Variants in PCCA observed in about 807,000 individuals in gnomAD.
The protein encoded by PCCA is propionyl-CoA carboxylase subunit alpha, also known as propionyl-CoA carboxylase alpha chain, mitochondrial.
PCCA carries 74 observed loss-of-function variants against 101.3 expected under a neutral mutation model. That is an observed-to-expected ratio of 0.73 (90% CI 0.61 to 0.89). PCCA has a LOEUF of 0.89. Among genes scored for constraint, PCCA ranks in the 40% least tolerant of loss-of-function variants. The pLI is 0.00. For missense variants in PCCA, 891 were observed against 907.0 expected, an observed-to-expected ratio of 0.98 and a Z score of 0.23; for synonymous variants, 294 against 313.6, an observed-to-expected ratio of 0.94 and a Z score of 0.66.
chr13:100,145,232 A>G (rs1291859478), intron 4 of PCCA, among the ~76,000 whole-genome samples: 4 of 152,358 alleles, frequency 2.6e-5, no homozygotes, highest in East Asian at 1.9e-4. Flanking sequence ...AAAAGCATAC[A>G]GCATAGGTTC....
intron 19 of PCCA, among the ~76,000 whole-genome samples, chr13:100,387,821 C>CA (rs1341698048): frequency 6.6e-6 from 1 of 152,188 alleles, no homozygotes. Flanking sequence ...TGCACAGCTG[C>CA]ACCTGTACCC....
chr13:100,164,030 A>C (rs570979712), intron 6 of PCCA, among the ~76,000 whole-genome samples: 1 of 152,116 alleles, frequency 6.6e-6, no homozygotes, highest in Non-Finnish European at 1.5e-5. Context: ...ACTATCCTCT[A>C]TGTTATAGTT....
At chr13:100,404,704 A>G (rs2077569299) in intron 19 of PCCA, among the ~76,000 whole-genome samples, 1 of 152,138 alleles carries the variant, frequency 6.6e-6, no homozygotes, top group Admixed American at 6.5e-5. Context: ...CATGGCTGTC[A>G]AATCAACTTG....
chr13:100,462,263 C>T (rs9582394), intron 21 of PCCA, among the ~76,000 whole-genome samples: 15,744 of 152,082 alleles, frequency 0.1, 1,365 homozygotes, highest in African/African-American at 0.23. Flanking sequence ...AATATAACTA[C>T]GTTTTTATTC....
intron 4 of PCCA, among the ~76,000 whole-genome samples, chr13:100,137,678 C>T (rs1028125192): frequency 6.6e-6 from 1 of 152,046 alleles, no homozygotes; most frequent in African/African-American, 2.4e-5. Context: ...TTGATGTTTG[C>T]ATCGTATTTT....
intron 6 of PCCA, among the ~76,000 whole-genome samples, chr13:100,176,517 A>G (rs948219828): frequency 2.0e-5 from 3 of 152,220 alleles, no homozygotes; most frequent in Non-Finnish European, 4.4e-5. Flanking sequence ...ACATCTACCC[A>G]TGTATCTGTC....
chr13:100,223,221 C>G (rs1026153979), intron 7 of PCCA, among the ~76,000 whole-genome samples: 8 of 150,192 alleles, frequency 5.3e-5, no homozygotes, highest in African/African-American at 2.0e-4. Context: ...GAGCTTAAAG[C>G]CTTCTGTGTC....
chr13:100,441,188 A>G (rs1182215322), intron 20 of PCCA, among the ~76,000 whole-genome samples: 1 of 152,194 alleles, frequency 6.6e-6, no homozygotes, highest in East Asian at 1.9e-4. Flanking sequence ...CTAGAAAATT[A>G]TATTTTCGTT....
intron 21 of PCCA, among the ~76,000 whole-genome samples, chr13:100,487,688 T>C (rs1415387117): frequency 6.6e-6 from 1 of 152,166 alleles, no homozygotes; most frequent in East Asian, 1.9e-4. Context: ...AGAGCTCATT[T>C]TGTGGGATAC....
intron 20 of PCCA, among the ~76,000 whole-genome samples, chr13:100,440,721 A>ATGT (rs1289244516): frequency 6.6e-6 from 1 of 151,850 alleles, no homozygotes; most frequent in Non-Finnish European, 1.5e-5. Context: ...TACTTTACAC[A>ATGT]TGTGATTTCT....
intron 17 of PCCA, among the ~76,000 whole-genome samples, chr13:100,339,381 C>T (rs2070975615): frequency 6.6e-6 from 1 of 152,152 alleles, no homozygotes; most frequent in South Asian, 2.1e-4. Flanking sequence ...ATTTAATACT[C>T]TACTATCTAT....
chr13:100,354,327 AAG>A (rs369368690), intron 18 of PCCA, among the ~76,000 whole-genome samples: 4 of 121,600 alleles, frequency 3.3e-5, no homozygotes, highest in East Asian at 4.9e-4. Context: ...GAAAGAAAGA[AAG>A]AGAGGGGGCG....
intron 10 of PCCA, among the ~76,000 whole-genome samples, chr13:100,263,842 C>CAT (rs1566821810): frequency 1.3e-4 from 14 of 108,890 alleles, no homozygotes; most frequent in Non-Finnish European, 2.4e-4. Flanking sequence ...ATCTGTATAT[C>CAT]GTATATATAT....
intron 21 of PCCA, among the ~76,000 whole-genome samples, chr13:100,496,866 G>C (rs1479470665): frequency 1.3e-5 from 2 of 152,174 alleles, no homozygotes; most frequent in African/African-American, 4.8e-5. Flanking sequence ...GGATACTGTA[G>C]AAGGACATGA....
chr13:100,209,450 A>G lies in PCCA; in HGVS notation c.587A>G (p.Asp196Gly). 6.2e-7 allele frequency: 1 copy of G among 1,613,148 alleles called. No individual in the cohort carries two copies. Among genetic ancestry groups the G allele is most frequent in the Non-Finnish European group, 8.5e-7 (1 of 1,179,122 alleles). Residue 196 changes from aspartate to glycine, a missense_variant, in exon 7 of 24, where the codon GAT becomes GGT. Asp to Gly is a moderately conservative substitution (Grantham distance 94). Coordinates refer to ENST00000376285, the MANE Select transcript of PCCA (RefSeq NM_000282.4). ...GAGGTTAATACAATCCCTGGCTTTGATGGAGTAGTCAAGGTGAGAAGCTAC... is the reference window on the plus strand; with the variant it reads ...GAGGTTAATACAATCCCTGGCTTTGGTGGAGTAGTCAAGGTGAGAAGCTAC... ...KAEVNTIPGF[D>G]GVVKDAEEAV...
At chr13:100,529,205 C>T (rs1425220421) in intron 23 of PCCA, among the ~76,000 whole-genome samples, 1 of 152,118 alleles carries the variant, frequency 6.6e-6, no homozygotes, top group Non-Finnish European at 1.5e-5. Flanking sequence ...CACTTTTCCT[C>T]CCAGAGAAAA....
intron 6 of PCCA, among the ~76,000 whole-genome samples, chr13:100,176,732 G>A (rs892409296): frequency 2.6e-5 from 4 of 152,130 alleles, no homozygotes; most frequent in Non-Finnish European, 5.9e-5. Flanking sequence ...TAAATATAAA[G>A]GCATGTTAGT....
chr13:100,199,479 T>C lies in PCCA; in HGVS notation c.469-9853T>C, dbSNP rs149354580. ...TTTGACTTACAGAGTCTTACCCCAG[T>C]CTTGACTTAGCTCACTGCATGGCGA... On this transcript the variant is annotated intron_variant, in intron 6 of 23. Coordinates refer to ENST00000376285, the MANE Select transcript of PCCA (RefSeq NM_000282.4). Among the ~76,000 whole-genome samples the C allele has an allele frequency of 5.3e-5, 8 of 152,316 alleles. No homozygotes were observed. The East Asian group carries it at 1.5e-3, about 29-fold the overall frequency.
At chr13:100,257,859 A>T (rs538745133) in intron 9 of PCCA, among the ~76,000 whole-genome samples, 186 bp downstream of exon 9, 1 of 152,192 alleles carries the variant, frequency 6.6e-6, no homozygotes, top group African/African-American at 2.4e-5. Context: ...TTTGATGATG[A>T]TTATCTTATT....
Sources: allele counts gnomAD v4.1 joint callset (sites outside exome capture counted in the v4.1 genomes callset), GRCh38; gene constraint gnomAD v4.1.1; transcripts MANE v1.5; gene names NCBI Gene and HGNC (gene_info 2026-07-23, HGNC 2026-07-21).